Variants in AASDH observed in about 807,000 individuals in gnomAD.
AASDH encodes the protein aminoadipate-semialdehyde dehydrogenase.
Under a neutral mutation model 102.3 loss-of-function variants are expected in AASDH, and 81 were observed. The observed-to-expected ratio is 0.79, with a 90% CI of 0.66 to 0.95. AASDH has a LOEUF of 0.95. Ranked by LOEUF, AASDH falls within the 40% of genes least tolerant of loss-of-function variation. The pLI, the probability that AASDH is intolerant of heterozygous loss-of-function variation, is 0.00. For synonymous variants in AASDH, 398 were observed against 454.0 expected, an observed-to-expected ratio of 0.88 and a Z score of 1.57; for missense variants, 1,203 against 1,266.2, an observed-to-expected ratio of 0.95 and a Z score of 0.76.
rs1305653160 is a variant in AASDH, at chr4:56,338,526, T to C, written c.3173A>G (p.Gln1058Arg). The change falls in exon 15 of 15, where the codon CAA (glutamine) becomes CGA (arginine). Residue 1058 changes from glutamine to arginine, a missense_variant. By Grantham distance (43) the Gln-to-Arg change is conservative. Coordinates refer to ENST00000205214, the MANE Select transcript of AASDH (RefSeq NM_181806.4). ...TTCTCCAGGAAGTTCATAAACACTT[T>C]GCAATTGTCCACTCTGAGATTCCAA... The part of the protein sequence containing the change: ...WILESQSGQL[Q>R]SVYELPGEVF... The C allele has an allele frequency of 6.2e-7, 1 of 1,613,836 alleles. No individual in the cohort carries two copies. Among genetic ancestry groups the C allele is most frequent in the Non-Finnish European group, 8.5e-7 (1 of 1,179,984 alleles).
In AASDH at chr4:56,378,372, A is replaced by G; in HGVS notation, c.444T>C (p.Asn148=). The change falls in exon 4 of 15, where the codon AAT becomes AAC. Residue 148 remains asparagine, a synonymous_variant. Coordinates refer to ENST00000205214, the MANE Select transcript of AASDH (RefSeq NM_181806.4). ...CATTTAGCATCAAGTTCACCTCAGTATTTTTCCAGTGAAGTCTGAAGAGCA... is the reference window on the plus strand; with the variant it reads ...CATTTAGCATCAAGTTCACCTCAGTGTTTTTCCAGTGAAGTCTGAAGAGCA... ...DLVLFRLHWK[N]TEVNLMLNDG... 6.2e-7 allele frequency: 1 copy of G among 1,613,800 alleles called. No homozygotes were observed. The highest frequency in any genetic ancestry group is 1.6e-4 in the Middle Eastern group (1 of 6,062).
At chr4:56,351,133 ATTTC>A (rs1465647220) in intron 10 of AASDH, among the ~76,000 whole-genome samples, 12 of 152,190 alleles carry the variant, frequency 7.9e-5, no homozygotes, top group Non-Finnish European at 1.2e-4. Flanking sequence ...CTTTCAATAA[ATTTC>A]TTTGTCGGAA....
At chr4:56,381,686 G>C (rs531293763) in intron 3 of AASDH, 2 of 87,158 alleles carry the variant, frequency 2.3e-5, no homozygotes, top group African/African-American at 4.5e-5. Flanking sequence ...CAGTTGGGGG[G>C]GGTGAAAGCA....
In AASDH at chr4:56,343,700, C is replaced by G. The variant is rs753674237; in HGVS notation, c.2653-16G>C. 6.3e-7 allele frequency: 1 copy of G among 1,599,074 alleles called. No homozygotes were observed. The highest frequency in any genetic ancestry group is 1.3e-5 in the African/African-American group (1 of 74,556). On this transcript the variant is annotated splice_polypyrimidine_tract_variant and intron_variant, in intron 12 of 14. Transcript: ENST00000205214. The stretch of plus-strand genomic sequence containing the variant: ...ACTTCTTTCTCTGCAAATAAGAAAA[C>G]AAATTAATTTGTTCTTGTTGATGGT...
chr4:56,353,722 A>T (rs1011661010), intron 8 of AASDH, 126 bp from the exon 9 acceptor site: 46 of 880,256 alleles, frequency 5.2e-5, no homozygotes, highest in South Asian at 1.7e-4. Flanking sequence ...GGAGATTTTT[A>T]AAAAATTGCT....
chr4:56,383,858 G>A (rs1339571903), intron 2 of AASDH, among the ~76,000 whole-genome samples: 2 of 152,044 alleles, frequency 1.3e-5, no homozygotes, highest in Admixed American at 6.6e-5. Context: ...ATTAGTGAAA[G>A]CTTCTAGTCT....
chr4:56,376,717 T>A (rs1752375341), intron 4 of AASDH, among the ~76,000 whole-genome samples: 1 of 152,336 alleles, frequency 6.6e-6, no homozygotes, highest in Non-Finnish European at 1.5e-5. Flanking sequence ...AATTTTTATA[T>A]TGATTACATA....
chr4:56,338,941 T>A, intron 14 of AASDH, 150 bp from the exon 15 acceptor site: 1 of 753,800 alleles, frequency 1.3e-6, no homozygotes, highest in Non-Finnish European at 2.1e-6. Context: ...TTCTGAAAAG[T>A]AGCACTATCA....
chr4:56,342,110 C>CAAAAAA (rs113304959), intron 14 of AASDH, among the ~76,000 whole-genome samples: 5 of 97,502 alleles, frequency 5.1e-5, no homozygotes, highest in East Asian at 1.3e-3. Context: ...GATTCTGTCT[C>CAAAAAA]AAAAAAAAAA....
At chr4:56,385,356 C>T (rs1399732203) in intron 1 of AASDH, among the ~76,000 whole-genome samples, 1 of 152,140 alleles carries the variant, frequency 6.6e-6, no homozygotes, top group Non-Finnish European at 1.5e-5. Context: ...AATAAGTTCA[C>T]TTAGACTGAA....
chr4:56,345,290 C>A lies in AASDH; in HGVS notation c.2489G>T (p.Gly830Val), dbSNP rs760750290. 14 of 1,610,896 alleles carry A rather than the reference C, an allele frequency of 8.7e-6. No individual in the cohort carries two copies. The highest frequency in any genetic ancestry group is 1.2e-5 in the Non-Finnish European group (14 of 1,177,376). Residue 830 changes from glycine (G) to valine (V), a missense_variant and splice_region_variant, in exon 12 of 15, where the codon GGC (glycine) becomes GTC (valine). By Grantham distance (109) the Gly-to-Val change is moderately radical. Coordinates refer to ENST00000205214, the MANE Select transcript of AASDH (RefSeq NM_181806.4). Reference sequence around the variant, plus strand: ...AACATAAACTAATCCATTATAACAGCCTACCAAGAAACAAAGCACAAAAGA... The same window carrying A: ...AACATAAACTAATCCATTATAACAGACTACCAAGAAACAAAGCACAAAAGA... ...VSKCGNFIVV[G>V]CYNGLVYVLK...
chr4:56,386,332 C>T (rs80191376), intron 1 of AASDH, among the ~76,000 whole-genome samples: 2,446 of 152,214 alleles, frequency 0.016, 75 homozygotes, highest in African/African-American at 0.055. Context: ...CACATCTATA[C>T]GATAATTAAG....
chr4:56,378,333 T>G lies in AASDH; in HGVS notation c.483A>C (p.Lys161Asn). The G allele has an allele frequency of 6.2e-7, 1 of 1,614,178 alleles. No homozygotes were observed. Among genetic ancestry groups the G allele is most frequent in the Non-Finnish European group, 8.5e-7 (1 of 1,180,008 alleles). ...TGCTTTTTATTTTTTCTTTTTCATA[T>G]TTCTCTTTTCCATCATTTAGCATCA... ...VNLMLNDGKE[K>N]YEKEKIKSIS... The change falls in exon 4 of 15, where the codon AAA becomes AAC. Residue 161 changes from lysine (K) to asparagine (N), a missense_variant. By Grantham distance (94) the Lys-to-Asn change is moderately conservative. Coordinates refer to ENST00000205214, the MANE Select transcript of AASDH (RefSeq NM_181806.4).
Position 56,353,612 on chromosome 4 carries a change from T to C in AASDH, c.1384-16A>G. Reference sequence around the variant, plus strand: ...CTTCAGCAACCTATAAGAGAGATTATCCTAATTTGCCAATGAGGATATTTA... The same window carrying C: ...CTTCAGCAACCTATAAGAGAGATTACCCTAATTTGCCAATGAGGATATTTA... On this transcript the variant is annotated splice_polypyrimidine_tract_variant and intron_variant, in intron 8 of 14. Coordinates refer to ENST00000205214, the MANE Select transcript of AASDH (RefSeq NM_181806.4). 6.4e-7 allele frequency: 1 copy of C among 1,562,716 alleles called. No homozygotes were observed. The highest frequency in any genetic ancestry group is 8.6e-7 in the Non-Finnish European group (1 of 1,164,388).
intron 14 of AASDH, among the ~76,000 whole-genome samples, chr4:56,340,870 A>G (rs1217579545): frequency 6.6e-6 from 1 of 152,218 alleles, no homozygotes; most frequent in Non-Finnish European, 1.5e-5. Context: ...ATGAATAGAC[A>G]TATCTCAAAA....
intron 5 of AASDH, among the ~76,000 whole-genome samples, chr4:56,365,026 C>T (rs1750806327): frequency 6.6e-6 from 1 of 152,086 alleles, no homozygotes; most frequent in African/African-American, 2.4e-5. Context: ...GGAGGAAGAT[C>T]TACCAAGCAA....
At chr4:56,381,257 T>G (rs1487654059) in intron 3 of AASDH, among the ~76,000 whole-genome samples, 1 of 152,184 alleles carries the variant, frequency 6.6e-6, no homozygotes, top group East Asian at 1.9e-4. Context: ...TACACACTAA[T>G]AAGTAATTAT....
At chr4:56,377,158 T>C (rs1222841105) in intron 4 of AASDH, among the ~76,000 whole-genome samples, 1 of 152,202 alleles carries the variant, frequency 6.6e-6, no homozygotes, top group African/African-American at 2.4e-5. Context: ...ATTTTACTTT[T>C]GAATATTACT....
chr4:56,377,340 T>C (rs1384160183), intron 4 of AASDH, among the ~76,000 whole-genome samples: 9 of 152,228 alleles, frequency 5.9e-5, no homozygotes, highest in Non-Finnish European at 1.2e-4. Flanking sequence ...TTCTAATCTC[T>C]TGACCACATC....
Sources: allele counts gnomAD v4.1 joint callset (sites outside exome capture counted in the v4.1 genomes callset), GRCh38; gene constraint gnomAD v4.1.1; transcripts MANE v1.5; gene names NCBI Gene and HGNC (gene_info 2026-07-23, HGNC 2026-07-21).